Variants in NRIP2 observed in about 807,000 individuals in gnomAD.
The protein encoded by NRIP2 is nuclear receptor interacting protein 2, also known as nuclear receptor-interacting protein 2.
NRIP2 carries 27 observed loss-of-function variants against 34.1 expected under a neutral mutation model. The ratio of observed to expected loss-of-function variants is 0.79; its 90% CI spans 0.58 to 1.09. The LOEUF is 1.09. Ranked by LOEUF, NRIP2 falls within the 50% of genes least tolerant of loss-of-function variation. The pLI, the probability that NRIP2 is intolerant of heterozygous loss-of-function variation, is 0.00. For missense variants in NRIP2, 385 were observed against 352.6 expected (o/e 1.09, Z -0.74); for synonymous variants, 145 against 146.9 (o/e 0.99, Z 0.09).
chr12:2,828,551 T>C, intron 2 of NRIP2, 137 bp from the exon 3 acceptor site: 1 of 726,622 alleles, frequency 1.4e-6, no homozygotes, highest in Non-Finnish European at 2.3e-6. Context: ...AAACTGGCTT[T>C]TATCGGGGCC....
chr12:2,831,293 C>A (rs936236417), intron 1 of NRIP2, among the ~76,000 whole-genome samples: 1 of 151,564 alleles, frequency 6.6e-6, no homozygotes, highest in African/African-American at 2.4e-5. Context: ...GTAAGAAACT[C>A]AAGAACTAGG....
In NRIP2 at chr12:2,827,925, C is replaced by G; in HGVS notation, c.700+1G>C. 1 of 1,614,006 alleles carries G rather than the reference C, an allele frequency of 6.2e-7. No homozygotes were observed. The highest frequency in any genetic ancestry group is 2.2e-5 in the East Asian group (1 of 44,872). ...GGGCTGTTGCAGAAGGGGGGACTTA[C>G]CCACCACCTGTGCCGAGCACACCAC... On this transcript the variant is annotated splice_donor_variant, in intron 4 of 5. Transcript: ENST00000337508. LOFTEE classifies it high-confidence loss of function. This position sits in a 1 kb window ranked among gnomAD's most constrained non-coding sequence, Gnocchi z 4.0.
intron 1 of NRIP2, among the ~76,000 whole-genome samples, chr12:2,832,712 C>G (rs1565432980): frequency 6.7e-6 from 1 of 150,044 alleles, no homozygotes; most frequent in African/African-American, 2.5e-5. Flanking sequence ...GAGTCTACCT[C>G]ACTCATTTTT....
chr12:2,833,586 C>T (rs758889819), intron 1 of NRIP2, among the ~76,000 whole-genome samples: 7 of 152,100 alleles, frequency 4.6e-5, no homozygotes, highest in Non-Finnish European at 1.0e-4. Flanking sequence ...CCTGTCAGTA[C>T]AGGCCTGGTT....
At chr12:2,830,349 C>T (rs182951405) in intron 2 of NRIP2, 1 of 174,682 alleles carries the variant, frequency 5.7e-6, no homozygotes, top group Admixed American at 6.3e-5. Context: ...TAAGTGGTTC[C>T]AGAGATTACA....
intron 1 of NRIP2, among the ~76,000 whole-genome samples, chr12:2,832,533 G>A (rs2098008743): frequency 6.6e-6 from 1 of 151,912 alleles, no homozygotes; most frequent in South Asian, 2.1e-4. Flanking sequence ...GAGATTCTGT[G>A]TACATCCTAT....
At chr12:2,828,193 C>T in intron 3 of NRIP2, 139 bp downstream of exon 3, 1 of 1,135,504 alleles carries the variant, frequency 8.8e-7, no homozygotes. Context: ...CTGCCAGAGT[C>T]TTCTAGCCAC....
intron 1 of NRIP2, among the ~76,000 whole-genome samples, chr12:2,831,711 CT>C (rs1396537434): frequency 6.6e-6 from 1 of 152,168 alleles, no homozygotes; most frequent in Non-Finnish European, 1.5e-5. Context: ...GTTTTGCCTC[CT>C]GTGTAGAATC....
At position 2,834,995 on chromosome 12, in the gene NRIP2, C is replaced by T. The variant is rs200816684; in HGVS notation, c.-12G>A. 6.3e-5 allele frequency: 97 copies of T among 1,545,304 alleles called. No homozygotes were observed. The highest frequency in any genetic ancestry group is 3.7e-4 in the Admixed American group (19 of 51,410). ...AAAATAAATAACATGCAGGAGCAGC[C>T]GCGTCAGTCTCCAATTTCCCGAGAT... is the stretch of plus-strand genomic sequence containing the variant. On this transcript the variant is annotated 5_prime_UTR_variant, in exon 1 of 6. Transcript: ENST00000337508.
chr12:2,829,223 A>G (rs956115174), intron 2 of NRIP2, among the ~76,000 whole-genome samples: 2 of 152,222 alleles, frequency 1.3e-5, no homozygotes, highest in African/African-American at 4.8e-5. Flanking sequence ...AATCCCTGTT[A>G]GGAAACTCAG....
At position 2,834,864 on chromosome 12, in the gene NRIP2, G is replaced by T. The variant is rs760370867; in HGVS notation, c.120C>A (p.Ser40Arg). The change falls in exon 1 of 6, where the codon AGC becomes AGA. Residue 40 changes from serine to arginine, a missense_variant. By Grantham distance (110) the Ser-to-Arg change is moderately radical. Transcript: ENST00000337508. ...SREDSVTPPP[S>R]SPWPTPPAGA... is the part of the protein sequence containing the mutation. ...CTGCTGGAGGAGTGGGCCAGGGGCT[G>T]CTCGGTGGGGGCGTCACCGAGTCCT... 1.2e-6 allele frequency: 2 copies of T among 1,613,802 alleles called. No homozygotes were observed. The highest frequency in any genetic ancestry group is 1.7e-6 in the Non-Finnish European group (2 of 1,179,972).
At chr12:2,830,584 C>G (rs1331195900) in intron 2 of NRIP2, 124 bp downstream of exon 2, 1 of 1,067,450 alleles carries the variant, frequency 9.4e-7, no homozygotes, top group Non-Finnish European at 1.3e-6. Flanking sequence ...TAGGTCCAGG[C>G]TAGGGAGAGA....
chr12:2,834,884 A>G lies in NRIP2; in HGVS notation c.100T>C (p.Ser34Pro). 6.2e-7 allele frequency: 1 copy of G among 1,613,382 alleles called. No individual in the cohort carries two copies. The highest frequency in any genetic ancestry group is 8.5e-7 in the Non-Finnish European group (1 of 1,179,870). ...QRQAGRSRED[S>P]VTPPPSSPWP... is the part of the protein sequence containing the mutation. ...GGGCTGCTCGGTGGGGGCGTCACCG[A>G]GTCCTCTCTGCTTCTTCCTGCCTGT... The change falls in exon 1 of 6, where the codon TCG becomes CCG. Residue 34 changes from serine to proline, a missense_variant. Physicochemically the swap from Ser to Pro is moderately conservative, Grantham distance 74. Transcript: ENST00000337508.
In NRIP2 at chr12:2,830,803, C is replaced by T. The variant is rs759926421; in HGVS notation, c.400G>A (p.Gly134Arg). 2 of 1,613,810 alleles carry T rather than the reference C, an allele frequency of 1.2e-6. No homozygotes were observed. The highest frequency in any genetic ancestry group is 1.1e-5 in the South Asian group (1 of 90,962). ...LVEGNPNWLQ[G>R]EPPRMQDLIH... The stretch of plus-strand genomic sequence containing the variant: ...AGGTCCTGCATCCGGGGAGGCTCCC[C>T]CTGAAGCCAATTCGGGTTTCCCTCC... Residue 134 changes from glycine to arginine, a missense_variant, in exon 2 of 6, where the codon GGG (glycine) becomes AGG (arginine). Transcript: ENST00000337508.
chr12:2,831,583 C>CAA (rs1353741094), intron 1 of NRIP2, among the ~76,000 whole-genome samples: 2 of 140,128 alleles, frequency 1.4e-5, no homozygotes, highest in African/African-American at 5.2e-5. Flanking sequence ...GACTCTGTCT[C>CAA]AAAAAAAAAA....
In NRIP2 at chr12:2,830,803, C is replaced by G. The variant is rs759926421; in HGVS notation, c.400G>C (p.Gly134Arg). 4 of 1,613,692 alleles carry G rather than the reference C, an allele frequency of 2.5e-6. No homozygotes were observed. The African/African-American group carries it at 5.3e-5, about 22-fold the overall frequency. Reference sequence around the variant, plus strand: ...AGGTCCTGCATCCGGGGAGGCTCCCCCTGAAGCCAATTCGGGTTTCCCTCC... The same window carrying G: ...AGGTCCTGCATCCGGGGAGGCTCCCGCTGAAGCCAATTCGGGTTTCCCTCC... Reference protein sequence around the residue: ...LVEGNPNWLQGEPPRMQDLIH... With the variant: ...LVEGNPNWLQREPPRMQDLIH... The change falls in exon 2 of 6, where the codon GGG becomes CGG. Residue 134 changes from glycine (G) to arginine (R), a missense_variant. Physicochemically the swap from Gly to Arg is moderately radical, Grantham distance 125. Transcript: ENST00000337508.
intron 2 of NRIP2, 49 bp from the exon 3 acceptor site, chr12:2,828,463 T>A (rs1301304563): frequency 7.2e-7 from 1 of 1,390,690 alleles, no homozygotes; most frequent in African/African-American, 1.4e-5. Flanking sequence ...GGAGAATGGG[T>A]TGGAATTGGA....
intron 1 of NRIP2, among the ~76,000 whole-genome samples, 164 bp downstream of exon 1, chr12:2,834,478 C>A (rs770511183): frequency 2.0e-5 from 3 of 152,172 alleles, no homozygotes; most frequent in Non-Finnish European, 2.9e-5. Flanking sequence ...GGAACATCCC[C>A]GGTGAAGAGC....
intron 1 of NRIP2, 22 bp from the exon 2 acceptor site, chr12:2,830,882 G>A: frequency 1.9e-6 from 3 of 1,608,680 alleles, no homozygotes; most frequent in Non-Finnish European, 2.5e-6. Flanking sequence ...ACAAAACAAT[G>A]AAGGTAGGCA....
Sources: allele counts gnomAD v4.1 joint callset (sites outside exome capture counted in the v4.1 genomes callset), GRCh38; gene constraint gnomAD v4.1.1; non-coding constraint Gnocchi (gnomAD v3.1); transcripts MANE v1.5; gene names NCBI Gene and HGNC (gene_info 2026-07-23, HGNC 2026-07-21).